KIF26B: variants seen among roughly 807,000 people sequenced by gnomAD.
KIF26B encodes kinesin family member 26B.
In KIF26B, 63 loss-of-function variants were observed where a neutral mutation model predicts 151.2. The observed-to-expected ratio is 0.42, with a 90% CI of 0.34 to 0.51. The LOEUF is 0.51. Among genes scored for constraint, KIF26B ranks in the 20% least tolerant of loss-of-function variants. The pLI is 0.07. For missense variants in KIF26B, 2,813 were observed against 2,913.6 expected, an observed-to-expected ratio of 0.97 and a Z score of 0.79; for synonymous variants, 1,357 against 1,262.1, an observed-to-expected ratio of 1.08 and a Z score of -1.59.
At chr1:245,664,736 A>C (rs2044194752) in intron 10 of KIF26B, among the ~76,000 whole-genome samples, 1 of 152,222 alleles carries the variant, frequency 6.6e-6, no homozygotes, top group African/African-American at 2.4e-5. Context: ...TAAGCAGAAT[A>C]ATCACTTAAT....
In KIF26B at chr1:245,707,639, T is replaced by C. The variant is rs1384420042; in HGVS notation, c.*5033T>C. The C allele has an allele frequency of 2.0e-5, 3 of 152,216 alleles. No individual in the cohort carries two copies. Among genetic ancestry groups the C allele is most frequent in the East Asian group, 1.9e-4 (1 of 5,194 alleles). 9.4% of individuals were successfully genotyped at this position (152,216 alleles called of 1,614,324 possible). A position where few individuals can be genotyped will look rare whatever the true frequency, so the allele number is the denominator to read the frequency against. Reference sequence around the variant, plus strand: ...CAAGCAAAGTCTGTTAGTGGAAACATGGGCTGGGGGATGGGGAGAGGACAG... The same window carrying C: ...CAAGCAAAGTCTGTTAGTGGAAACACGGGCTGGGGGATGGGGAGAGGACAG... On this transcript the variant is annotated 3_prime_UTR_variant, in exon 15 of 15. Coordinates refer to ENST00000407071, the MANE Select transcript of KIF26B (RefSeq NM_018012.4).
intron 2 of KIF26B, among the ~76,000 whole-genome samples, chr1:245,250,461 T>C (rs991391197): frequency 6.6e-6 from 1 of 152,168 alleles, no homozygotes; most frequent in Non-Finnish European, 1.5e-5. Context: ...TTACAAGCGG[T>C]GCTATAATAA....
chr1:245,650,991 C>T (rs1326612528), intron 10 of KIF26B, among the ~76,000 whole-genome samples: 1 of 152,194 alleles, frequency 6.6e-6, no homozygotes, highest in Non-Finnish European at 1.5e-5. Flanking sequence ...GTCTCAGCAG[C>T]TGTGCTGAGC....
At chr1:245,212,709 G>A (rs1195638579) in intron 2 of KIF26B, among the ~76,000 whole-genome samples, 3 of 152,294 alleles carry the variant, frequency 2.0e-5, no homozygotes, top group African/African-American at 4.8e-5. Context: ...GCGTGCTGTC[G>A]CCCTGAGAGG....
At chr1:245,408,820 G>C (rs912936316) in intron 3 of KIF26B, among the ~76,000 whole-genome samples, 2 of 152,228 alleles carry the variant, frequency 1.3e-5, no homozygotes, top group East Asian at 1.9e-4. Context: ...TCTGCTCCAG[G>C]GCTTTTCCAC....
intron 3 of KIF26B, among the ~76,000 whole-genome samples, chr1:245,403,708 G>A (rs1674064696): frequency 6.6e-6 from 1 of 152,164 alleles, no homozygotes; most frequent in South Asian, 2.1e-4. Flanking sequence ...AGTACAAAAT[G>A]TGTGCATGTT....
chr1:245,227,521 C>T lies in KIF26B; in HGVS notation c.465+70838C>T, dbSNP rs575133019. ...GGTTGTCTGTCATGTGGATTCCTCA[C>T]GGGCAGAGATACTACCCTCTGAGCT... On this transcript the variant is annotated intron_variant, in intron 2 of 14. Transcript: ENST00000407071. The surrounding 1 kb of genome is among the most constrained non-coding windows in gnomAD (Gnocchi z 4.1). 3.9e-5 allele frequency among the ~76,000 whole-genome samples: 6 copies of T among 152,176 alleles called. No individual in the cohort carries two copies. Among genetic ancestry groups the T allele is most frequent in the Non-Finnish European group, 7.3e-5 (5 of 68,040 alleles).
chr1:245,337,615 C>T (rs1672262018), intron 2 of KIF26B, among the ~76,000 whole-genome samples: 1 of 150,336 alleles, frequency 6.7e-6, no homozygotes, highest in Non-Finnish European at 1.5e-5. Context: ...GAATGTAGTC[C>T]ATATTCTTAG....
At chr1:245,193,043 C>T (rs1669137195) in intron 2 of KIF26B, among the ~76,000 whole-genome samples, 1 of 152,200 alleles carries the variant, frequency 6.6e-6, no homozygotes, top group South Asian at 2.1e-4. Flanking sequence ...CCTTCTCTTA[C>T]CCTCCACCCT....
chr1:245,200,784 C>A (rs1669284781), intron 2 of KIF26B, among the ~76,000 whole-genome samples: 1 of 152,136 alleles, frequency 6.6e-6, no homozygotes, highest in Non-Finnish European at 1.5e-5. Context: ...TGTTGAATTT[C>A]AAATATAGGC....
intron 2 of KIF26B, among the ~76,000 whole-genome samples, chr1:245,175,274 A>G (rs767967094): frequency 1.3e-5 from 2 of 152,110 alleles, no homozygotes; most frequent in Non-Finnish European, 2.9e-5. Flanking sequence ...AGTGCATTTC[A>G]GTAGAGAAAG....
intron 2 of KIF26B, among the ~76,000 whole-genome samples, chr1:245,274,255 G>A (rs1573746565): frequency 6.6e-6 from 1 of 151,656 alleles, no homozygotes; most frequent in East Asian, 1.9e-4. Context: ...TTTAAGTTCT[G>A]GGATACATGT....
chr1:245,644,881 G>A (rs564441391), intron 9 of KIF26B, among the ~76,000 whole-genome samples: 1 of 152,246 alleles, frequency 6.6e-6, no homozygotes, highest in East Asian at 1.9e-4. Flanking sequence ...GGCTTATTCT[G>A]CTCACAGTTC....
intron 4 of KIF26B, among the ~76,000 whole-genome samples, chr1:245,483,828 G>A (rs565598230): frequency 2.0e-5 from 3 of 151,928 alleles, no homozygotes; most frequent in South Asian, 2.1e-4. Context: ...GGAATCAATC[G>A]GGAAGCATAT....
intron 2 of KIF26B, among the ~76,000 whole-genome samples, chr1:245,316,746 A>G (rs540207691): frequency 1.8e-4 from 27 of 151,734 alleles, no homozygotes; most frequent in Non-Finnish European, 3.1e-4. Context: ...CCCTATACTG[A>G]TTTGGTACAA....
At chr1:245,532,905 C>A (rs904257174) in intron 4 of KIF26B, among the ~76,000 whole-genome samples, 1 of 152,132 alleles carries the variant, frequency 6.6e-6, no homozygotes, top group Admixed American at 6.5e-5. Context: ...GAATGACTAG[C>A]GTGCTTCTTG....
At chr1:245,448,186 C>T (rs1659290865) in intron 4 of KIF26B, among the ~76,000 whole-genome samples, 2 of 152,172 alleles carry the variant, frequency 1.3e-5, no homozygotes, top group East Asian at 3.8e-4. Flanking sequence ...CCAATAAATT[C>T]CATTTTATTT....
intron 2 of KIF26B, among the ~76,000 whole-genome samples, chr1:245,356,874 A>G (rs4617445): frequency 0.19 from 29,624 of 152,206 alleles, 7,868 homozygotes; most frequent in African/African-American, 0.6. Context: ...AGTTTGCAGT[A>G]TCACTAGATG....
chr1:245,561,963 C>T (rs2042958570), intron 5 of KIF26B, among the ~76,000 whole-genome samples: 2 of 152,258 alleles, frequency 1.3e-5, no homozygotes, highest in South Asian at 2.1e-4. Context: ...GATTTTCTTG[C>T]TGTGGATGCT....
Sources: gnomAD v4.1 joint callset for allele counts (sites outside exome capture counted in the v4.1 genomes callset) on GRCh38, gnomAD v4.1.1 for gene constraint, Gnocchi (gnomAD v3.1) non-coding constraint, MANE v1.5 for transcripts, NCBI Gene and HGNC (gene_info 2026-07-23, HGNC 2026-07-21) for gene names.